RBFOX1: variants seen among roughly 807,000 people sequenced by gnomAD.
RBFOX1 encodes RNA binding fox-1 homolog 1, also known as RNA binding protein fox-1 homolog 1.
RBFOX1 carries 8 observed loss-of-function variants against 57.7 expected under a neutral mutation model. That is an observed-to-expected ratio of 0.14 (90% CI 0.08 to 0.25). The LOEUF (loss-of-function observed/expected upper bound fraction) is 0.25. Among genes scored for constraint, RBFOX1 ranks in the 10% least tolerant of loss-of-function variants. RBFOX1 has a pLI of 1.00. For missense variants in RBFOX1, 611 were observed against 548.5 expected (o/e 1.11, Z -1.14); for synonymous variants, 326 against 222.4 (o/e 1.47, Z -4.15).
intron 3 of RBFOX1, among the ~76,000 whole-genome samples, chr16:5,797,249 A>C (rs1417930165): frequency 6.6e-6 from 1 of 152,142 alleles, no homozygotes; most frequent in African/African-American, 2.4e-5. Flanking sequence ...TTTGAAGGTA[A>C]ACTACATAGA....
At chr16:6,127,686 T>G (rs1009194259) in intron 1 of RBFOX1, among the ~76,000 whole-genome samples, 1 of 152,160 alleles carries the variant, frequency 6.6e-6, no homozygotes, top group Non-Finnish European at 1.5e-5. Context: ...CATCATAGAT[T>G]TAGAAATCAA....
At chr16:7,303,347 C>G (rs1241196917) in intron 4 of RBFOX1, among the ~76,000 whole-genome samples, 1 of 152,196 alleles carries the variant, frequency 6.6e-6, no homozygotes, top group Non-Finnish European at 1.5e-5. Flanking sequence ...CGTCTCAGCA[C>G]TCCACCTCCT....
intron 3 of RBFOX1, among the ~76,000 whole-genome samples, chr16:6,806,099 T>A (rs1422709828): frequency 6.6e-6 from 1 of 152,152 alleles, no homozygotes; most frequent in East Asian, 1.9e-4. Flanking sequence ...AGATGATTCA[T>A]CCAAGAACCA....
intron 4 of RBFOX1, among the ~76,000 whole-genome samples, chr16:7,114,418 A>T (rs553901043): frequency 1.3e-5 from 2 of 152,282 alleles, no homozygotes; most frequent in Non-Finnish European, 2.9e-5. Flanking sequence ...TGTACCCTTT[A>T]ATAAAGGCAC....
At chr16:7,020,197 C>CT (rs778153573) in intron 3 of RBFOX1, among the ~76,000 whole-genome samples, 1 of 151,820 alleles carries the variant, frequency 6.6e-6, no homozygotes, top group Non-Finnish European at 1.5e-5. Flanking sequence ...AAAATATTTT[C>CT]TTTTTTTTCT....
rs184663206 is a variant in RBFOX1 at position 6,692,380 on chromosome 16, C to T, written c.-16+37730C>T. 2.6e-5 allele frequency among the ~76,000 whole-genome samples: 4 copies of T among 152,212 alleles called. No individual in the cohort carries two copies. The East Asian group carries it at 7.7e-4, about 29-fold the overall frequency. ...CCTAGATCCTTGAAGTCATTTGATACCTGGTATCTCTCCCTAGAGTTCCTC... is the reference window on the plus strand; with the variant it reads ...CCTAGATCCTTGAAGTCATTTGATATCTGGTATCTCTCCCTAGAGTTCCTC... On this transcript the variant is annotated intron_variant, in intron 3 of 15. Coordinates refer to ENST00000550418, the MANE Select transcript of RBFOX1 (RefSeq NM_018723.4).
chr16:6,860,121 C>T (rs11645444), intron 3 of RBFOX1, among the ~76,000 whole-genome samples: 35,229 of 152,076 alleles, frequency 0.23, 4,715 homozygotes, highest in Admixed American at 0.36. Context: ...AATAGCTGTG[C>T]GCTAGCTGTT....
chr16:7,154,721 G>A (rs1034818253), intron 4 of RBFOX1, among the ~76,000 whole-genome samples: 1 of 147,866 alleles, frequency 6.8e-6, no homozygotes. Context: ...GTGTGTGTGT[G>A]TGTGTGTGTG....
At chr16:7,173,452 G>A (rs997696278) in intron 4 of RBFOX1, among the ~76,000 whole-genome samples, 1 of 152,062 alleles carries the variant, frequency 6.6e-6, no homozygotes, top group Non-Finnish European at 1.5e-5. Flanking sequence ...GGGAGGCACT[G>A]GTTTCGAATG....
At chr16:7,459,409 T>C (rs2059143452) in intron 4 of RBFOX1, among the ~76,000 whole-genome samples, 1 of 152,198 alleles carries the variant, frequency 6.6e-6, no homozygotes, top group Middle Eastern at 3.2e-3. Flanking sequence ...CTTCCTTCTC[T>C]GGCAAATTGA....
Position 6,646,962 on chromosome 16 carries a change from G to A in RBFOX1, c.-63-7641G>A, listed in dbSNP as rs1419342872. The stretch of plus-strand genomic sequence containing the variant: ...GGACTGGGCCTTACAGGTCGTCTGG[G>A]AACCTTGTCTTAGTCAGCCTGGGCT... On this transcript the variant is annotated intron_variant, in intron 2 of 15. Transcript: ENST00000550418. Among the ~76,000 whole-genome samples, 3 of 152,132 alleles carry A rather than the reference G, an allele frequency of 2.0e-5. No homozygotes were observed. The East Asian group carries it at 5.8e-4, about 29-fold the overall frequency.
At chr16:6,926,219 C>T (rs577258013) in intron 3 of RBFOX1, among the ~76,000 whole-genome samples, 10 of 152,104 alleles carry the variant, frequency 6.6e-5, no homozygotes, top group Admixed American at 2.6e-4. Context: ...AGGCAGGAGA[C>T]TCCCTTGAAC....
chr16:6,248,228 G>A (rs1339255170), intron 1 of RBFOX1, among the ~76,000 whole-genome samples: 2 of 152,120 alleles, frequency 1.3e-5, no homozygotes, highest in African/African-American at 4.8e-5. Flanking sequence ...AAGATTGGAG[G>A]CCTAGAATTA....
intron 1 of RBFOX1, among the ~76,000 whole-genome samples, chr16:6,173,491 C>G (rs2096977782): frequency 6.6e-6 from 1 of 151,982 alleles, no homozygotes; most frequent in Non-Finnish European, 1.5e-5. Flanking sequence ...ACTCCACTCA[C>G]CAGTGGATAT....
chr16:6,353,286 A>G (rs919236007), intron 2 of RBFOX1, among the ~76,000 whole-genome samples: 2 of 151,992 alleles, frequency 1.3e-5, no homozygotes, highest in Non-Finnish European at 2.9e-5. Flanking sequence ...TTGAGAACCT[A>G]ATCTTCCAAT....
intron 14 of RBFOX1, among the ~76,000 whole-genome samples, chr16:7,690,624 T>C (rs527658332): frequency 2.0e-5 from 3 of 152,008 alleles, no homozygotes; most frequent in East Asian, 1.9e-4. Context: ...TTTCTTCTCC[T>C]GAGAGGCAGC....
chr16:7,132,090 G>C (rs79726186), intron 4 of RBFOX1, among the ~76,000 whole-genome samples: 11,265 of 149,532 alleles, frequency 0.075, 1,453 homozygotes, highest in African/African-American at 0.26. Context: ...CGCCCGGGCT[G>C]AAGCAATTCT....
intron 2 of RBFOX1, among the ~76,000 whole-genome samples, chr16:6,539,955 C>T (rs1197533897): frequency 6.6e-6 from 1 of 152,016 alleles, no homozygotes; most frequent in Non-Finnish European, 1.5e-5. Flanking sequence ...AGATAGCCAG[C>T]CAATGAAAAA....
At chr16:6,277,655 G>T (rs2075964888) in intron 1 of RBFOX1, among the ~76,000 whole-genome samples, 1 of 96,628 alleles carries the variant, frequency 1.0e-5, no homozygotes, top group Non-Finnish European at 2.0e-5. Context: ...TACAGAGAAA[G>T]ACCTTGTCTC....
Sources: gnomAD v4.1 joint callset for allele counts (sites outside exome capture counted in the v4.1 genomes callset) on GRCh38, gnomAD v4.1.1 for gene constraint, MANE v1.5 for transcripts, NCBI Gene and HGNC (gene_info 2026-07-23, HGNC 2026-07-21) for gene names.